The following HPGDS variants were observed in gnomAD, a reference collection of about 807,000 sequenced individuals.
HPGDS encodes hematopoietic prostaglandin D synthase.
Under a neutral mutation model 23.1 loss-of-function variants are expected in HPGDS, and 26 were observed. The observed-to-expected ratio is 1.13, with a 90% CI of 0.83 to 1.56. HPGDS has a LOEUF of 1.56. Ranked by LOEUF, HPGDS falls within the 40% of genes most tolerant of loss-of-function variation. HPGDS has a pLI of 0.00. For missense variants in HPGDS, 268 were observed against 236.4 expected, an observed-to-expected ratio of 1.13 and a Z score of -0.88; for synonymous variants, 95 against 77.9, an observed-to-expected ratio of 1.22 and a Z score of -1.16.
At chr4:94,316,014 T>C (rs1756390167) in intron 3 of HPGDS, among the ~76,000 whole-genome samples, 2 of 152,154 alleles carry the variant, frequency 1.3e-5, no homozygotes, top group Admixed American at 1.3e-4. Context: ...TCATCACACC[T>C]TTTCTCAAAC....
At chr4:94,332,033 C>A (rs1417074346) in intron 2 of HPGDS, among the ~76,000 whole-genome samples, 1 of 152,104 alleles carries the variant, frequency 6.6e-6, no homozygotes, top group African/African-American at 2.4e-5. Flanking sequence ...TCCAAAACTA[C>A]CTATAGCCCA....
chr4:94,312,337 T>C (rs1756293005), intron 3 of HPGDS, among the ~76,000 whole-genome samples: 2 of 152,250 alleles, frequency 1.3e-5, no homozygotes, highest in African/African-American at 4.8e-5. Flanking sequence ...TGGTACGTTG[T>C]GTCTTTGTTC....
In HPGDS at chr4:94,340,311, C is replaced by CTTTTTTTTTTTT. The variant is rs869240610; in HGVS notation, c.-10+2472_-10+2483dup. 3.4e-4 allele frequency among the ~76,000 whole-genome samples: 8 copies of CTTTTTTTTTTTT among 23,676 alleles called. 2 individuals are homozygous for CTTTTTTTTTTTT. Among genetic ancestry groups the CTTTTTTTTTTTT allele is most frequent in the African/African-American group, 7.3e-4 (5 of 6,848 alleles). The allele number at this position is 23,676 out of a possible 152,430, so 15.5% of individuals were successfully genotyped here. On this transcript the variant is annotated intron_variant, in intron 1 of 5. Transcript: ENST00000295256. The stretch of plus-strand genomic sequence containing the variant: ...TTTCTTTCTTTCTTTCTTTCTTTCT[C>CTTTTTTTTTTTT]TTTTTTTTTTTTTTTTTTTTTTTTT...
At chr4:94,324,671 C>T (rs1385499823) in intron 2 of HPGDS, among the ~76,000 whole-genome samples, 1 of 151,586 alleles carries the variant, frequency 6.6e-6, no homozygotes, top group Non-Finnish European at 1.5e-5. Flanking sequence ...AATCTTTTTT[C>T]AAGGTTTCAG....
intron 1 of HPGDS, among the ~76,000 whole-genome samples, chr4:94,340,309 C>CTTTCTT (rs1560597992): frequency 0.077 from 2,208 of 28,712 alleles, 193 homozygotes; most frequent in Non-Finnish European, 0.11. Context: ...TTCTTTCTTT[C>CTTTCTT]TCTTTTTTTT....
chr4:94,334,673 GC>G (rs1329606053), intron 1 of HPGDS, 35 bp from the exon 2 acceptor site: 2 of 1,585,046 alleles, frequency 1.3e-6, no homozygotes, highest in Non-Finnish European at 1.7e-6. Flanking sequence ...TATTTTAAGA[GC>G]CCTCTAGAGA....
At chr4:94,332,940 G>A (rs1317549580) in intron 2 of HPGDS, among the ~76,000 whole-genome samples, 1 of 152,108 alleles carries the variant, frequency 6.6e-6, no homozygotes, top group Admixed American at 6.6e-5. Flanking sequence ...TGTCCTTATG[G>A]ACTTTGGCCC....
At chr4:94,327,598 T>C (rs1168837956) in intron 2 of HPGDS, among the ~76,000 whole-genome samples, 1 of 152,158 alleles carries the variant, frequency 6.6e-6, no homozygotes, top group East Asian at 1.9e-4. Context: ...TGAAGGTACA[T>C]TGTGGCCCTG....
intron 4 of HPGDS, among the ~76,000 whole-genome samples, chr4:94,305,732 G>A (rs1329331099): frequency 6.6e-6 from 1 of 152,048 alleles, no homozygotes; most frequent in Non-Finnish European, 1.5e-5. Flanking sequence ...ACAATTTTGG[G>A]TAAGTTGTTT....
intron 2 of HPGDS, among the ~76,000 whole-genome samples, chr4:94,325,614 G>C (rs1246041628): frequency 4.6e-5 from 7 of 152,198 alleles, no homozygotes; most frequent in Non-Finnish European, 1.0e-4. Flanking sequence ...ATCTCCTGTT[G>C]TGCCATTTGC....
intron 3 of HPGDS, among the ~76,000 whole-genome samples, chr4:94,313,096 G>T (rs1405293358): frequency 6.6e-6 from 1 of 152,098 alleles, no homozygotes; most frequent in African/African-American, 2.4e-5. Context: ...TATCCAATTT[G>T]CCAGTCTGTG....
intron 3 of HPGDS, among the ~76,000 whole-genome samples, chr4:94,317,051 A>T (rs528481016): frequency 6.6e-6 from 1 of 152,342 alleles, no homozygotes; most frequent in Admixed American, 6.5e-5. Context: ...TTTAAAATAC[A>T]CTATTTCATT....
chr4:94,320,548 C>T (rs1309144482), intron 2 of HPGDS, among the ~76,000 whole-genome samples: 1 of 152,182 alleles, frequency 6.6e-6, no homozygotes, highest in African/African-American at 2.4e-5. Context: ...CTGTTGACTG[C>T]ATAAATGTCT....
chr4:94,338,439 G>A (rs1030917925), intron 1 of HPGDS, among the ~76,000 whole-genome samples: 1 of 151,934 alleles, frequency 6.6e-6, no homozygotes, highest in Non-Finnish European at 1.5e-5. Flanking sequence ...ATAAGAAACA[G>A]AATTATCATG....
chr4:94,336,875 A>G (rs1019119585), intron 1 of HPGDS, among the ~76,000 whole-genome samples: 1 of 152,380 alleles, frequency 6.6e-6, no homozygotes. Flanking sequence ...TTTGTTTTAA[A>G]TATCAAAACA....
At chr4:94,320,448 G>A (rs528337017) in intron 2 of HPGDS, among the ~76,000 whole-genome samples, 11 of 152,128 alleles carry the variant, frequency 7.2e-5, no homozygotes, top group South Asian at 4.2e-4. Flanking sequence ...TTTAATGATC[G>A]CCATTCTAAC....
Position 94,340,614 on chromosome 4 carries a change from C to T in HPGDS, c.-10+2181G>A, listed in dbSNP as rs1292083483. The stretch of plus-strand genomic sequence containing the variant: ...TCAGCCTCCCAAAGTGCTGGGTTTA[C>T]AGGGGTGAGCCACCGGGCCCGGCCC... On this transcript the variant is annotated intron_variant, in intron 1 of 5. Coordinates refer to ENST00000295256, the MANE Select transcript of HPGDS (RefSeq NM_014485.3). Among the ~76,000 whole-genome samples the T allele has an allele frequency of 4.2e-5, 6 of 141,682 alleles. No individual in the cohort carries two copies. In the East Asian group the frequency reaches 1.1e-3, roughly 25 times the overall value. 92.9% of individuals were successfully genotyped at this position (141,682 alleles called of 152,430 possible). A position where few individuals can be genotyped will look rare whatever the true frequency, so the allele number is the denominator to read the frequency against.
intron 5 of HPGDS, among the ~76,000 whole-genome samples, chr4:94,300,628 GT>G (rs1756021329): frequency 6.6e-6 from 1 of 152,088 alleles, no homozygotes; most frequent in Non-Finnish European, 1.5e-5. Context: ...CCATGCCCAG[GT>G]TTAGGTGCTG....
chr4:94,301,066 A>T (rs903602904), intron 5 of HPGDS, among the ~76,000 whole-genome samples: 1 of 152,150 alleles, frequency 6.6e-6, no homozygotes, highest in Non-Finnish European at 1.5e-5. Flanking sequence ...CATTTTAGTA[A>T]AGGCTATGAG....
Sources: gnomAD v4.1 joint callset for allele counts (sites outside exome capture counted in the v4.1 genomes callset) on GRCh38, gnomAD v4.1.1 for gene constraint, MANE v1.5 for transcripts, NCBI Gene and HGNC (gene_info 2026-07-23, HGNC 2026-07-21) for gene names.